The following ZZZ3 variants were observed in gnomAD, a reference collection of about 807,000 sequenced individuals.
ZZZ3 encodes zinc finger ZZ-type containing 3.
A neutral mutation model predicts 95.2 loss-of-function variants in ZZZ3; 22 were observed. The observed-to-expected ratio is 0.23, with a 90% CI of 0.17 to 0.33. ZZZ3 has a LOEUF of 0.33. ZZZ3 is among the 10% of genes least tolerant of loss of function. The pLI, the probability that ZZZ3 is intolerant of heterozygous loss-of-function variation, is 1.00. For synonymous variants in ZZZ3, 335 were observed against 358.9 expected (o/e 0.93, Z 0.75); for missense variants, 885 against 1,066.5 (o/e 0.83, Z 2.37).
chr1:77,617,494 A>C (rs1311290738), intron 5 of ZZZ3, among the ~76,000 whole-genome samples: 1 of 152,196 alleles, frequency 6.6e-6, no homozygotes, highest in African/African-American at 2.4e-5. Context: ...CATTGTATTG[A>C]TATACCTTGT....
At chr1:77,682,205 T>C (rs1473784679) in intron 1 of ZZZ3, among the ~76,000 whole-genome samples, 1 of 152,114 alleles carries the variant, frequency 6.6e-6, no homozygotes, top group Non-Finnish European at 1.5e-5. Context: ...TTCAGGAGAC[T>C]GGAGTCAGGT....
intron 5 of ZZZ3, among the ~76,000 whole-genome samples, chr1:77,585,702 A>C (rs1462787743): frequency 1.3e-5 from 2 of 152,204 alleles, no homozygotes; most frequent in African/African-American, 4.8e-5. Context: ...CATACTTCCC[A>C]GCACATAGAT....
At chr1:77,597,426 C>T (rs1025192115) in intron 5 of ZZZ3, among the ~76,000 whole-genome samples, 20 of 152,008 alleles carry the variant, frequency 1.3e-4, no homozygotes, top group African/African-American at 4.6e-4. Context: ...TCAGTGTGGC[C>T]TGTGCATAGT....
Position 77,639,431 on chromosome 1 carries a change from C to A in ZZZ3, c.-52+18G>T. 2.0e-6 allele frequency: 3 copies of A among 1,506,146 alleles called. No homozygotes were observed. The highest frequency in any genetic ancestry group is 1.3e-5 in the South Asian group (1 of 74,794). 93.3% of individuals were successfully genotyped at this position (1,506,146 alleles called of 1,614,324 possible). A position where few individuals can be genotyped will look rare whatever the true frequency, so the allele number is the denominator to read the frequency against. On this transcript the variant is annotated intron_variant, in intron 4 of 14. Transcript: ENST00000370801. ...CAAACTATAGCTGTCTTCACTACTG[C>A]AAAACTAAATAACTTACCTGTACAA...
chr1:77,681,582 A>C (rs547799981), intron 1 of ZZZ3, among the ~76,000 whole-genome samples: 1 of 152,186 alleles, frequency 6.6e-6, no homozygotes, highest in Non-Finnish European at 1.5e-5. Flanking sequence ...TTTGCTCTTT[A>C]CTAAAAAGTT....
At chr1:77,663,667 T>C (rs954288360) in intron 1 of ZZZ3, among the ~76,000 whole-genome samples, 1 of 152,186 alleles carries the variant, frequency 6.6e-6, no homozygotes, top group Non-Finnish European at 1.5e-5. Flanking sequence ...ACTTCATTTG[T>C]TTTTTCTTTT....
At chr1:77,677,994 A>C (rs1013496124) in intron 1 of ZZZ3, among the ~76,000 whole-genome samples, 4 of 152,212 alleles carry the variant, frequency 2.6e-5, no homozygotes, top group Middle Eastern at 3.2e-3. Flanking sequence ...TAATGGAAGC[A>C]TAAGGTTTAA....
At chr1:77,660,347 C>A (rs1279477710) in intron 1 of ZZZ3, among the ~76,000 whole-genome samples, 1 of 152,140 alleles carries the variant, frequency 6.6e-6, no homozygotes, top group Non-Finnish European at 1.5e-5. Context: ...TTTTGTAAAA[C>A]TGAAACTCTA....
chr1:77,597,432 A>G (rs1446190065), intron 5 of ZZZ3, among the ~76,000 whole-genome samples: 1 of 152,110 alleles, frequency 6.6e-6, no homozygotes, highest in Non-Finnish European at 1.5e-5. Context: ...TGGCCTGTGC[A>G]TAGTGACTTC....
chr1:77,588,186 T>C (rs1663298256), intron 5 of ZZZ3, among the ~76,000 whole-genome samples: 1 of 152,202 alleles, frequency 6.6e-6, no homozygotes, highest in South Asian at 2.1e-4. Context: ...TAACATTTAC[T>C]GAATGCGTAC....
intron 1 of ZZZ3, among the ~76,000 whole-genome samples, chr1:77,659,555 C>T (rs1243384182): frequency 6.6e-6 from 1 of 151,502 alleles, no homozygotes; most frequent in Non-Finnish European, 1.5e-5. Flanking sequence ...GGCGTGGGGG[C>T]ACGTGCCTGT....
intron 12 of ZZZ3, among the ~76,000 whole-genome samples, chr1:77,575,044 C>T (rs1661786567): frequency 6.6e-6 from 1 of 152,128 alleles, no homozygotes; most frequent in African/African-American, 2.4e-5. Context: ...ACTAGCCGGG[C>T]ATGGTGGCAC....
chr1:77,632,137 C>T lies in ZZZ3; in HGVS notation c.1218G>A (p.Glu406=). The change falls in exon 5 of 15, where the codon GAG becomes GAA. Residue 406 remains glutamate (E), a synonymous_variant. Coordinates refer to ENST00000370801, the MANE Select transcript of ZZZ3 (RefSeq NM_015534.6). ...SSPYRENGQF[E]ENNLSPNETN... is the part of the protein sequence containing the mutation. Reference sequence around the variant, plus strand: ...TTTCATTAGGACTAAGATTATTCTCCTCAAATTGTCCATTTTCTCTGTAAG... The same window carrying T: ...TTTCATTAGGACTAAGATTATTCTCTTCAAATTGTCCATTTTCTCTGTAAG... The T allele has an allele frequency of 1.2e-6, 2 of 1,614,102 alleles. No homozygotes were observed. The highest frequency in any genetic ancestry group is 1.7e-6 in the Non-Finnish European group (2 of 1,180,008).
chr1:77,629,779 C>T (rs527484567), intron 5 of ZZZ3, among the ~76,000 whole-genome samples: 2 of 152,240 alleles, frequency 1.3e-5, no homozygotes, highest in South Asian at 4.1e-4. Flanking sequence ...CATCCAAATT[C>T]CAAAGGAGTC....
At chr1:77,604,935 A>T (rs1204103425) in intron 5 of ZZZ3, among the ~76,000 whole-genome samples, 1 of 152,164 alleles carries the variant, frequency 6.6e-6, no homozygotes, top group African/African-American at 2.4e-5. Context: ...TGTTTCACTT[A>T]GAAGATTTTG....
chr1:77,621,642 C>T (rs1666873588), intron 5 of ZZZ3, among the ~76,000 whole-genome samples: 1 of 151,698 alleles, frequency 6.6e-6, no homozygotes, highest in Non-Finnish European at 1.5e-5. Context: ...ATGACAAAAC[C>T]CCATCTCTAC....
At chr1:77,648,090 G>A (rs183076526) in intron 1 of ZZZ3, among the ~76,000 whole-genome samples, 1 of 152,218 alleles carries the variant, frequency 6.6e-6, no homozygotes, top group African/African-American at 2.4e-5. Flanking sequence ...CAAGTGTGGT[G>A]GTTCACACCT....
intron 1 of ZZZ3, chr1:77,676,861 T>G (rs559650804): frequency 3.6e-4 from 55 of 152,240 alleles, no homozygotes; most frequent in African/African-American, 1.3e-3. Flanking sequence ...TTAACAGAGT[T>G]GAGAAAATTA....
At chr1:77,670,157 A>C (rs1671625735) in intron 1 of ZZZ3, among the ~76,000 whole-genome samples, 1 of 151,016 alleles carries the variant, frequency 6.6e-6, no homozygotes, top group Non-Finnish European at 1.5e-5. Flanking sequence ...TACTTGAATT[A>C]AACTCCAAAG....
Sources: gnomAD v4.1 joint callset for allele counts (sites outside exome capture counted in the v4.1 genomes callset) on GRCh38, gnomAD v4.1.1 for gene constraint, MANE v1.5 for transcripts, NCBI Gene and HGNC (gene_info 2026-07-23, HGNC 2026-07-21) for gene names.